DNAJC25: variants seen among roughly 807,000 people sequenced by gnomAD.
The protein encoded by DNAJC25 is DnaJ heat shock protein family (Hsp40) member C25, also known as dnaJ homolog subfamily C member 25.
Under a neutral mutation model 42.1 loss-of-function variants are expected in DNAJC25, and 26 were observed. That is an observed-to-expected ratio of 0.62 (90% confidence interval 0.45 to 0.86). The LOEUF (loss-of-function observed/expected upper bound fraction) is 0.86, where lower values mean the gene tolerates loss of function less well. Among genes scored for constraint, DNAJC25 ranks in the 40% least tolerant of loss-of-function variants. The pLI is 0.00. For synonymous variants in DNAJC25, 189 were observed against 179.9 expected, an observed-to-expected ratio of 1.05 and a Z score of -0.40; for missense variants, 404 against 459.4, an observed-to-expected ratio of 0.88 and a Z score of 1.10.
chr9:111,649,564 G>A lies in DNAJC25; in HGVS notation c.601G>A (p.Ala201Thr), dbSNP rs1830617855. ...CAAGCAGCAGGGACTGCTCAAAAAAGCCAAAGAAAAAGGCAAAAACAAAAA... is the reference window on the plus strand; with the variant it reads ...CAAGCAGCAGGGACTGCTCAAAAAAACCAAAGAAAAAGGCAAAAACAAAAA... ...IAKQQGLLKK[A>T]KEKGKNKKSK... The change falls in exon 3 of 4, where the codon GCC (alanine) becomes ACC (threonine). Residue 201 changes from alanine (A) to threonine (T), a missense_variant. Coordinates refer to ENST00000313525, the MANE Select transcript of DNAJC25 (RefSeq NM_001015882.3). 1 of 1,614,016 alleles carries A rather than the reference G, an allele frequency of 6.2e-7. No individual in the cohort carries two copies. Among genetic ancestry groups the A allele is most frequent in the African/African-American group, 1.3e-5 (1 of 75,016 alleles).
rs757760518 is a variant in DNAJC25 at position 111,647,201 on chromosome 9, C to T, written c.431C>T (p.Pro144Leu). The T allele has an allele frequency of 1.9e-6, 3 of 1,614,136 alleles. No homozygotes were observed. The highest frequency in any genetic ancestry group is 3.3e-4 in the Middle Eastern group (2 of 6,062). Residue 144 changes from proline (P) to leucine (L), a missense_variant, in exon 2 of 4, where the codon CCT becomes CTT. Physicochemically the swap from Pro to Leu is moderately conservative, Grantham distance 98. Coordinates refer to ENST00000313525, the MANE Select transcript of DNAJC25 (RefSeq NM_001015882.3). ...CACTACTATAGCAGGCGCTTGGCCC[C>T]TAAGGTGGATGTTAGAGTAGTGATT... ...YYHYYSRRLA[P>L]KVDVRVVILV... is the part of the protein sequence containing the mutation.
At chr9:111,631,803 T>G in intron 1 of DNAJC25, 60 bp downstream of exon 1, 3 of 1,456,334 alleles carry the variant, frequency 2.1e-6, no homozygotes, top group Non-Finnish European at 2.7e-6. Context: ...CACGGCGCCT[T>G]CCGACCCCGG....
chr9:111,647,882 G>A (rs1218389444), intron 2 of DNAJC25, among the ~76,000 whole-genome samples: 4 of 152,154 alleles, frequency 2.6e-5, no homozygotes, highest in Non-Finnish European at 5.9e-5. Context: ...GGGTTCAAGC[G>A]ATTCCCCTGC....
intron 1 of DNAJC25, among the ~76,000 whole-genome samples, chr9:111,644,191 C>G (rs1248459373): frequency 6.6e-6 from 1 of 152,150 alleles, no homozygotes; most frequent in East Asian, 1.9e-4. Context: ...AGAAAACCAT[C>G]CAAAGAGAAG....
chr9:111,639,294 A>C (rs1396033556), intron 1 of DNAJC25, among the ~76,000 whole-genome samples: 1 of 152,264 alleles, frequency 6.6e-6, no homozygotes, highest in East Asian at 1.9e-4. Context: ...TAAAGTTTTT[A>C]AAAGCTCAAG....
rs567091801 is a variant in DNAJC25 at position 111,647,163 on chromosome 9, C to A, written c.393C>A (p.Tyr131Ter). The A allele has an allele frequency of 6.2e-7, 1 of 1,614,152 alleles. No individual in the cohort carries two copies. Among genetic ancestry groups the A allele is most frequent in the African/African-American group, 1.3e-5 (1 of 75,032 alleles). The change falls in exon 2 of 4, where the codon TAC (tyrosine) becomes TAA (stop). Residue 131 changes from tyrosine (Y) to a stop codon, truncating the protein, a stop_gained. Coordinates refer to ENST00000313525, the MANE Select transcript of DNAJC25 (RefSeq NM_001015882.3). LOFTEE classifies it high-confidence loss of function. ...TGCTGGATCATCCAGAAGAGTACTACAGCCATTACTACCACTACTATAGCA... is the reference window on the plus strand; with the variant it reads ...TGCTGGATCATCCAGAAGAGTACTAAAGCCATTACTACCACTACTATAGCA... Reference protein sequence around the residue: ...DYMLDHPEEYYSHYYHYYSRR... With the variant: ...DYMLDHPEEY
intron 1 of DNAJC25, among the ~76,000 whole-genome samples, chr9:111,645,277 C>T (rs941411581): frequency 6.8e-6 from 1 of 146,634 alleles, no homozygotes; most frequent in Non-Finnish European, 1.5e-5. Flanking sequence ...TTTTTGGAGA[C>T]AGAGTCTCGC....
intron 1 of DNAJC25, among the ~76,000 whole-genome samples, chr9:111,633,169 A>G (rs2131253774): frequency 6.6e-6 from 1 of 152,360 alleles, no homozygotes; most frequent in African/African-American, 2.4e-5. Flanking sequence ...CCTTGTAGTC[A>G]GCCAGAAGCC....
In DNAJC25 at chr9:111,651,245, CAG is replaced by C. The variant is rs1045327441; in HGVS notation, c.960+1325_960+1326del. 5.2e-5 allele frequency among the ~76,000 whole-genome samples: 6 copies of C among 116,052 alleles called. No individual in the cohort carries two copies. The East Asian group carries it at 1.3e-3, about 26-fold the overall frequency. The allele number at this position is 116,052 out of a possible 152,430, so 76.1% of individuals were successfully genotyped here. A position where few individuals can be genotyped will look rare whatever the true frequency, so the allele number is the denominator to read the frequency against. ...TACCACTGCACTCTGGCCTGAGCAA[CAG>C]AGTGAGACTCTATCTCAAAAAAAAA... On this transcript the variant is annotated intron_variant, in intron 3 of 3. Coordinates refer to ENST00000313525, the MANE Select transcript of DNAJC25 (RefSeq NM_001015882.3).
At chr9:111,641,712 CGTCCGGG>C (rs1830472928) in intron 1 of DNAJC25, among the ~76,000 whole-genome samples, 4 of 128,060 alleles carry the variant, frequency 3.1e-5, no homozygotes, top group South Asian at 2.4e-4. Flanking sequence ...CCAGCCACCC[CGTCCGGG>C]AGGTGAGGGG....
chr9:111,631,879 C>G (rs568419858), intron 1 of DNAJC25, 136 bp downstream of exon 1: 77 of 1,381,334 alleles, frequency 5.6e-5, no homozygotes, highest in East Asian at 3.7e-4. Context: ...CTTTAAGATA[C>G]TCACGTTTCC....
In DNAJC25 at chr9:111,649,746, T is replaced by C; in HGVS notation, c.783T>C (p.Val261=). The C allele has an allele frequency of 6.2e-7, 1 of 1,614,134 alleles. No homozygotes were observed. The highest frequency in any genetic ancestry group is 8.5e-7 in the Non-Finnish European group (1 of 1,180,022). The change falls in exon 3 of 4, where the codon GTT becomes GTC. Residue 261 remains valine (V), a synonymous_variant. Coordinates refer to ENST00000313525, the MANE Select transcript of DNAJC25 (RefSeq NM_001015882.3). ...LAPFHLCSYI[V]WYCRWIYNFN... is the part of the protein sequence containing the mutation. ...CTTTTCACCTATGCTCATATATAGT[T>C]TGGTATTGTCGGTGGATCTATAATT... is the stretch of plus-strand genomic sequence containing the variant.
chr9:111,641,501 G>C (rs1168771468), intron 1 of DNAJC25, among the ~76,000 whole-genome samples: 13 of 90,654 alleles, frequency 1.4e-4, no homozygotes, highest in Admixed American at 1.3e-3. Flanking sequence ...CCCTCTGCCC[G>C]GCCAGCCGCC....
At position 111,653,256 on chromosome 9, in the gene DNAJC25, T is replaced by C. The variant is rs1273678980; in HGVS notation, c.*34T>C. ...GGAATGCTACTATGCCAAACCTTAA[T>C]TGTGATATTATTTTCATAACTGAAT... On this transcript the variant is annotated 3_prime_UTR_variant, in exon 4 of 4. Transcript: ENST00000313525. The C allele has an allele frequency of 9.6e-6, 14 of 1,451,256 alleles. No individual in the cohort carries two copies. Among genetic ancestry groups the C allele is most frequent in the Non-Finnish European group, 1.2e-5 (13 of 1,094,272 alleles). 89.9% of individuals were successfully genotyped at this position (1,451,256 alleles called of 1,614,324 possible).
chr9:111,639,346 G>A (rs1436907835), intron 1 of DNAJC25, among the ~76,000 whole-genome samples: 5 of 152,230 alleles, frequency 3.3e-5, no homozygotes, highest in African/African-American at 1.2e-4. Context: ...TACACAGAGG[G>A]ATAGATTGGT....
rs1830275921 is a variant in DNAJC25 at position 111,631,542 on chromosome 9, C to T, written c.135C>T (p.Cys45=). Residue 45 remains cysteine, a synonymous_variant, in exon 1 of 4, where the codon TGC becomes TGT. Coordinates refer to ENST00000313525, the MANE Select transcript of DNAJC25 (RefSeq NM_001015882.3). ...GGGCCCTGGTGGAGGGGCTCTACTG[C>T]GGCACGCGGGACTGCTACGAGGTGC... ...PAGALVEGLY[C]GTRDCYEVLG... is the part of the protein sequence containing the mutation. 8 of 1,377,798 alleles carry T rather than the reference C, an allele frequency of 5.8e-6. No homozygotes were observed. The highest frequency in any genetic ancestry group is 1.7e-5 in the South Asian group (1 of 59,826). 85.3% of individuals were successfully genotyped at this position (1,377,798 alleles called of 1,614,324 possible).
chr9:111,640,981 T>C (rs1317524733), intron 1 of DNAJC25, among the ~76,000 whole-genome samples: 34 of 66,710 alleles, frequency 5.1e-4, no homozygotes, highest in Admixed American at 7.2e-4. Flanking sequence ...TGGCCAGCCG[T>C]GCCGTCCGGG....
At chr9:111,636,379 G>GA (rs1488608621) in intron 1 of DNAJC25, among the ~76,000 whole-genome samples, 11 of 152,158 alleles carry the variant, frequency 7.2e-5, no homozygotes, top group African/African-American at 2.6e-4. Flanking sequence ...CTGTTTTGGG[G>GA]AAAAAATGAA....
chr9:111,640,876 G>A lies in DNAJC25; in HGVS notation c.337-6231G>A, dbSNP rs1403053768. Among the ~76,000 whole-genome samples the A allele has an allele frequency of 1.7e-5, 2 of 115,504 alleles. 1 individual carries two copies. Among genetic ancestry groups the A allele is most frequent in the Non-Finnish European group, 3.4e-5 (2 of 59,016 alleles). 75.8% of individuals were successfully genotyped at this position (115,504 alleles called of 152,430 possible). A position where few individuals can be genotyped will look rare whatever the true frequency, so the allele number is the denominator to read the frequency against. On this transcript the variant is annotated intron_variant, in intron 1 of 3. Transcript: ENST00000313525. ...CCGCCCGGCCAGCCGCCCCATCCGGGAGGGAGGTGGGGGGTCAGCCCCCCC... is the reference window on the plus strand; with the variant it reads ...CCGCCCGGCCAGCCGCCCCATCCGGAAGGGAGGTGGGGGGTCAGCCCCCCC...
Sources: gnomAD v4.1 joint callset for allele counts (sites outside exome capture counted in the v4.1 genomes callset) on GRCh38, gnomAD v4.1.1 for gene constraint, MANE v1.5 for transcripts, NCBI Gene and HGNC (gene_info 2026-07-23, HGNC 2026-07-21) for gene names.